The following RSRC1 variants were observed in gnomAD, a reference collection of about 807,000 sequenced individuals.
RSRC1 encodes arginine and serine rich coiled-coil 1.
Under a neutral mutation model 49.1 loss-of-function variants are expected in RSRC1, and 39 were observed. That is an observed-to-expected ratio of 0.79 (90% confidence interval 0.61 to 1.04). The LOEUF (loss-of-function observed/expected upper bound fraction) is 1.04. RSRC1 is among the 50% of genes least tolerant of loss of function. The probability of loss-of-function intolerance (pLI) is 0.00; values close to 1 mark genes in which losing one functional copy is unlikely to be tolerated. For synonymous variants in RSRC1, 143 were observed against 130.8 expected, an observed-to-expected ratio of 1.09 and a Z score of -0.63; for missense variants, 388 against 402.4, an observed-to-expected ratio of 0.96 and a Z score of 0.31.
At chr3:158,392,164 C>T (rs190980076) in intron 6 of RSRC1, among the ~76,000 whole-genome samples, 3 of 152,224 alleles carry the variant, frequency 2.0e-5, no homozygotes, top group East Asian at 3.9e-4. Context: ...TACCTACATA[C>T]TATATTCTGC....
intron 6 of RSRC1, among the ~76,000 whole-genome samples, chr3:158,437,195 C>A (rs753861882): frequency 6.6e-6 from 1 of 151,070 alleles, no homozygotes; most frequent in Non-Finnish European, 1.5e-5. Flanking sequence ...TTATATGTAA[C>A]CAGAAATCAG....
intron 4 of RSRC1, among the ~76,000 whole-genome samples, chr3:158,225,015 G>C (rs1196661220): frequency 1.3e-5 from 2 of 151,814 alleles, no homozygotes; most frequent in Non-Finnish European, 2.9e-5. Flanking sequence ...TGAGGTTTTT[G>C]AAGTACCAAT....
chr3:158,420,064 G>C (rs1734957134), intron 6 of RSRC1, among the ~76,000 whole-genome samples: 1 of 151,638 alleles, frequency 6.6e-6, no homozygotes, highest in Non-Finnish European at 1.5e-5. Context: ...GCTCACAAAA[G>C]CCTCATCCTA....
chr3:158,200,787 A>G (rs1265094698), intron 3 of RSRC1, among the ~76,000 whole-genome samples: 3 of 152,122 alleles, frequency 2.0e-5, no homozygotes, highest in African/African-American at 7.2e-5. Flanking sequence ...TACCTGCCCC[A>G]TGCTTTATTC....
chr3:158,534,155 G>A (rs991427621), intron 7 of RSRC1, among the ~76,000 whole-genome samples: 2 of 151,578 alleles, frequency 1.3e-5, no homozygotes, highest in African/African-American at 2.4e-5. Context: ...GGTTTCAGCT[G>A]TCAGGGACAC....
At chr3:158,186,847 AGAT>A (rs1322864842) in intron 3 of RSRC1, among the ~76,000 whole-genome samples, 1 of 151,832 alleles carries the variant, frequency 6.6e-6, no homozygotes, top group Non-Finnish European at 1.5e-5. Flanking sequence ...GGGAGACCAG[AGAT>A]GATGATTGGG....
chr3:158,403,118 T>A (rs1733979634), intron 6 of RSRC1, among the ~76,000 whole-genome samples: 1 of 151,862 alleles, frequency 6.6e-6, no homozygotes, highest in South Asian at 2.1e-4. Context: ...CTTTATAACC[T>A]TTTTAACTTC....
intron 4 of RSRC1, among the ~76,000 whole-genome samples, chr3:158,241,980 T>A (rs7640632): frequency 0.016 from 2,490 of 151,720 alleles, 88 homozygotes; most frequent in African/African-American, 0.057. Context: ...ATGATATGAA[T>A]GTTTCTATCA....
At chr3:158,166,485 A>G (rs749878261) in intron 3 of RSRC1, among the ~76,000 whole-genome samples, 9 of 152,202 alleles carry the variant, frequency 5.9e-5, no homozygotes, top group Admixed American at 1.3e-4. Flanking sequence ...ATAACGGTCA[A>G]TTATGCCCTT....
chr3:158,313,102 C>G (rs1303783687), intron 5 of RSRC1, among the ~76,000 whole-genome samples: 1 of 151,960 alleles, frequency 6.6e-6, no homozygotes, highest in Non-Finnish European at 1.5e-5. Flanking sequence ...ACAACCTCCC[C>G]CCTCCCCTCA....
intron 1 of RSRC1, 140 bp from the exon 2 acceptor site, chr3:158,121,963 C>A: frequency 2.2e-6 from 1 of 464,026 alleles, no homozygotes; most frequent in Non-Finnish European, 3.6e-6. Flanking sequence ...AATGATTGTA[C>A]CACTACACTC....
At chr3:158,423,934 CTT>C (rs1485776680) in intron 6 of RSRC1, among the ~76,000 whole-genome samples, 3 of 151,010 alleles carry the variant, frequency 2.0e-5, no homozygotes, top group East Asian at 2.0e-4. Flanking sequence ...TATCCTGAGA[CTT>C]TGCTGAAGTT....
chr3:158,173,160 A>C (rs1718981780), intron 3 of RSRC1, among the ~76,000 whole-genome samples: 1 of 151,952 alleles, frequency 6.6e-6, no homozygotes, highest in African/African-American at 2.4e-5. Flanking sequence ...GACGAGTTTA[A>C]CCTTGTTTAT....
chr3:158,276,164 A>T, intron 4 of RSRC1: 1 of 912,060 alleles, frequency 1.1e-6, no homozygotes, highest in South Asian at 1.3e-5. Context: ...TAACACCATG[A>T]TGGACAGGCT....
chr3:158,430,990 A>G (rs1354003836), intron 6 of RSRC1, among the ~76,000 whole-genome samples: 2 of 151,984 alleles, frequency 1.3e-5, no homozygotes, highest in African/African-American at 2.4e-5. Flanking sequence ...GTCACAAGAC[A>G]CATTAGCATA....
At chr3:158,271,661 A>G (rs1322005855) in intron 4 of RSRC1, among the ~76,000 whole-genome samples, 1 of 152,152 alleles carries the variant, frequency 6.6e-6, no homozygotes, top group African/African-American at 2.4e-5. Flanking sequence ...ATTAAGTTAC[A>G]TCATGAAATA....
intron 7 of RSRC1, among the ~76,000 whole-genome samples, chr3:158,477,744 C>T (rs1332469811): frequency 6.9e-6 from 1 of 144,822 alleles, no homozygotes; most frequent in African/African-American, 2.6e-5. Flanking sequence ...GAAATGATGA[C>T]AGGTCACAAG....
intron 4 of RSRC1, among the ~76,000 whole-genome samples, chr3:158,295,346 C>T (rs923544646): frequency 3.3e-5 from 5 of 152,046 alleles, no homozygotes; most frequent in Non-Finnish European, 7.4e-5. Context: ...TGTAATGTAG[C>T]TTTGACAAGA....
intron 6 of RSRC1, among the ~76,000 whole-genome samples, chr3:158,459,063 A>G (rs894033551): frequency 2.0e-5 from 3 of 152,124 alleles, no homozygotes; most frequent in African/African-American, 7.2e-5. Flanking sequence ...TGCTTTTAAG[A>G]TTAATTATTA....
Sources: allele counts gnomAD v4.1 joint callset (sites outside exome capture counted in the v4.1 genomes callset), GRCh38; gene constraint gnomAD v4.1.1; transcripts MANE v1.5; gene names NCBI Gene and HGNC (gene_info 2026-07-23, HGNC 2026-07-21).